Variants in RFTN1 observed in about 807,000 individuals in gnomAD.
The protein encoded by RFTN1 is raftlin, lipid raft linker 1, also known as raftlin.
A neutral mutation model predicts 46.5 loss-of-function variants in RFTN1; 26 were observed. The observed-to-expected ratio is 0.56, with a 90% CI of 0.41 to 0.78. The LOEUF (loss-of-function observed/expected upper bound fraction) is 0.78, where lower values mean the gene tolerates loss of function less well. Ranked by LOEUF, RFTN1 falls within the 30% of genes least tolerant of loss-of-function variation. The pLI is 0.00. For missense variants in RFTN1, 693 were observed against 718.7 expected, an observed-to-expected ratio of 0.96 and a Z score of 0.41; for synonymous variants, 261 against 284.2, an observed-to-expected ratio of 0.92 and a Z score of 0.82.
intron 2 of RFTN1, among the ~76,000 whole-genome samples, chr3:16,477,759 T>C (rs2124962342): frequency 6.6e-6 from 1 of 152,320 alleles, no homozygotes; most frequent in Non-Finnish European, 1.5e-5. Flanking sequence ...CACAGGACAT[T>C]TGCATCTCAT....
intron 6 of RFTN1, among the ~76,000 whole-genome samples, chr3:16,366,535 C>T (rs910652563): frequency 3.3e-5 from 5 of 152,160 alleles, no homozygotes; most frequent in Admixed American, 6.5e-5. Flanking sequence ...GCCAAAGTCC[C>T]GCTGGGGGCC....
In RFTN1 at chr3:16,344,226, T is replaced by TC. The variant is rs1355773897; in HGVS notation, c.1146+13705_1146+13706insG. On this transcript the variant is annotated intron_variant, in intron 7 of 9. Coordinates refer to ENST00000334133, the MANE Select transcript of RFTN1 (RefSeq NM_015150.2). This position sits in a 1 kb window ranked among gnomAD's most constrained non-coding sequence, Gnocchi z 4.4. Reference sequence around the variant, plus strand: ...CCTATTACATTTTATTGGGCTGGTTTTTGTCCAACATTCATATACTAAGAA... The same window carrying TC: ...CCTATTACATTTTATTGGGCTGGTTTCTTGTCCAACATTCATATACTAAGAA... Among the ~76,000 whole-genome samples the TC allele has an allele frequency of 1.3e-5, 2 of 152,212 alleles. No homozygotes were observed. The highest frequency in any genetic ancestry group is 1.3e-4 in the Admixed American group (2 of 15,286).
In RFTN1 at chr3:16,458,323, T is replaced by C. The variant is rs1391831650; in HGVS notation, c.146-24286A>G. On this transcript the variant is annotated intron_variant, in intron 2 of 9. Coordinates refer to ENST00000334133, the MANE Select transcript of RFTN1 (RefSeq NM_015150.2). The surrounding 1 kb of genome is among the most constrained non-coding windows in gnomAD (Gnocchi z 5.1). ...TGCTGCAGCATGTTCTGCTGTATTA[T>C]TCAGGTCCAGGTATGCTCGGGGTGC... Among the ~76,000 whole-genome samples, 2 of 152,176 alleles carry C rather than the reference T, an allele frequency of 1.3e-5. No individual in the cohort carries two copies. The highest frequency in any genetic ancestry group is 4.8e-5 in the African/African-American group (2 of 41,436).
At chr3:16,488,953 A>C (rs2076496315) in intron 2 of RFTN1, among the ~76,000 whole-genome samples, 1 of 152,250 alleles carries the variant, frequency 6.6e-6, no homozygotes, top group African/African-American at 2.4e-5. Flanking sequence ...GAATGGAAAA[A>C]CAAACTGTGG....
intron 4 of RFTN1, among the ~76,000 whole-genome samples, chr3:16,389,486 GTTT>G (rs1408144347): frequency 1.8e-5 from 1 of 56,044 alleles, no homozygotes; most frequent in Non-Finnish European, 3.4e-5. Context: ...TAGGAGATGG[GTTT>G]TTTTTCGGGG....
At position 16,442,129 on chromosome 3, in the gene RFTN1, AAAAACAAAAC is replaced by A. The variant is rs372224114; in HGVS notation, c.146-8102_146-8093del. On this transcript the variant is annotated intron_variant, in intron 2 of 9. Coordinates refer to ENST00000334133, the MANE Select transcript of RFTN1 (RefSeq NM_015150.2). The surrounding 1 kb of genome is among the most constrained non-coding windows in gnomAD (Gnocchi z 4.1). ...AACAAACTCATGTATCTGAAACTTA[AAAAACAAAAC>A]AAAACAAAACAAAACAAAACACATA... Among the ~76,000 whole-genome samples, 59 of 152,286 alleles carry A rather than the reference AAAAACAAAAC, an allele frequency of 3.9e-4. No individual in the cohort carries two copies. The highest frequency in any genetic ancestry group is 9.4e-4 in the African/African-American group (39 of 41,554).
intron 7 of RFTN1, among the ~76,000 whole-genome samples, chr3:16,333,512 G>A (rs533815301): frequency 3.9e-5 from 6 of 152,104 alleles, no homozygotes; most frequent in Admixed American, 1.3e-4. Flanking sequence ...ATTTCATGAG[G>A]ATTTTTCAGA....
chr3:16,445,315 G>A (rs1575303353), intron 2 of RFTN1, among the ~76,000 whole-genome samples: 1 of 152,098 alleles, frequency 6.6e-6, no homozygotes, highest in Non-Finnish European at 1.5e-5. Flanking sequence ...GAAAGAGAGA[G>A]AGACAAAAAG....
intron 2 of RFTN1, among the ~76,000 whole-genome samples, chr3:16,477,127 G>C (rs902801784): frequency 6.6e-6 from 1 of 152,186 alleles, no homozygotes; most frequent in African/African-American, 2.4e-5. Flanking sequence ...GCACACTCCT[G>C]CTCACATGGC....
At chr3:16,491,174 G>A (rs992130042) in intron 2 of RFTN1, among the ~76,000 whole-genome samples, 3 of 152,182 alleles carry the variant, frequency 2.0e-5, no homozygotes, top group African/African-American at 4.8e-5. Flanking sequence ...ATTTTAAAGA[G>A]GTGGTCAAGG....
In RFTN1 at chr3:16,327,048, A is replaced by G. The variant is rs1414819076; in HGVS notation, c.1147-172T>C. On this transcript the variant is annotated intron_variant, in intron 7 of 9. Transcript: ENST00000334133. This position sits in a 1 kb window ranked among gnomAD's most constrained non-coding sequence, Gnocchi z 4.2. ...TGAAGACTTTAAAAGTTTGGAGTCA[A>G]ACTGCCAACATGGGATTTCCTTCTG... Among the ~76,000 whole-genome samples the G allele has an allele frequency of 2.0e-5, 3 of 152,224 alleles. No homozygotes were observed. The highest frequency in any genetic ancestry group is 1.9e-4 in the East Asian group (1 of 5,198).
chr3:16,323,574 G>A (rs1195018281), intron 8 of RFTN1, 117 bp from the exon 9 acceptor site: 2 of 689,912 alleles, frequency 2.9e-6, no homozygotes, highest in Non-Finnish European at 4.9e-6. Context: ...ATTATGACAG[G>A]TTAGAAGAGA....
chr3:16,368,870 G>A (rs1314577776), intron 6 of RFTN1, among the ~76,000 whole-genome samples: 1 of 152,116 alleles, frequency 6.6e-6, no homozygotes, highest in African/African-American at 2.4e-5. Flanking sequence ...CCGCCATACT[G>A]GACAACCCAG....
intron 4 of RFTN1, among the ~76,000 whole-genome samples, chr3:16,399,956 CTT>C (rs2074561563): frequency 1.3e-5 from 2 of 152,296 alleles, no homozygotes; most frequent in South Asian, 2.1e-4. Flanking sequence ...GTGACGATCT[CTT>C]GTCTATGAAG....
rs2125387158 is a variant in RFTN1, at chr3:16,382,712, CTG to C, written c.442-4612_442-4611del. On this transcript the variant is annotated intron_variant, in intron 4 of 9. Transcript: ENST00000334133. This position sits in a 1 kb window ranked among gnomAD's most constrained non-coding sequence, Gnocchi z 4.7. ...AGTATCTTCTTCCCTGTTTCTAATC[CTG>C]TGTGTCTGTTCACCACACCCTACCA... 6.6e-6 allele frequency among the ~76,000 whole-genome samples: 1 copy of C among 152,306 alleles called. No individual in the cohort carries two copies. The highest frequency in any genetic ancestry group is 2.4e-5 in the African/African-American group (1 of 41,564).
At position 16,385,538 on chromosome 3, in the gene RFTN1, C is replaced by G. The variant is rs2074140392; in HGVS notation, c.442-7436G>C. 6.6e-6 allele frequency among the ~76,000 whole-genome samples: 1 copy of G among 152,134 alleles called. No homozygotes were observed. The highest frequency in any genetic ancestry group is 6.5e-5 in the Admixed American group (1 of 15,272). On this transcript the variant is annotated intron_variant, in intron 4 of 9. Transcript: ENST00000334133. This position sits in a 1 kb window ranked among gnomAD's most constrained non-coding sequence, Gnocchi z 5.0. ...GTTACTCAGTAGTTATATTATTGGT[C>G]AAATCAGTTGATTTATTTTAGCCTC...
intron 7 of RFTN1, chr3:16,339,731 C>T (rs901654785): frequency 2.6e-5 from 4 of 152,198 alleles, no homozygotes; most frequent in East Asian, 1.9e-4. Flanking sequence ...CTTGGTGCTT[C>T]GTTTTTCTGC....
chr3:16,408,484 TG>T (rs2074913724), intron 4 of RFTN1, among the ~76,000 whole-genome samples: 1 of 149,842 alleles, frequency 6.7e-6, no homozygotes, highest in African/African-American at 2.5e-5. Flanking sequence ...TAGGGAACAC[TG>T]GGTAAGAGAG....
intron 7 of RFTN1, among the ~76,000 whole-genome samples, chr3:16,355,938 A>G (rs1046910053): frequency 2.6e-5 from 4 of 152,196 alleles, no homozygotes; most frequent in Admixed American, 2.0e-4. Context: ...GGAATTTCAC[A>G]CACATCCCCA....
Sources: gnomAD v4.1 joint callset for allele counts (sites outside exome capture counted in the v4.1 genomes callset) on GRCh38, gnomAD v4.1.1 for gene constraint, Gnocchi (gnomAD v3.1) non-coding constraint, MANE v1.5 for transcripts, NCBI Gene and HGNC (gene_info 2026-07-23, HGNC 2026-07-21) for gene names.